The following PCDH11X variants were observed in gnomAD, a reference collection of about 807,000 sequenced individuals.
PCDH11X encodes protocadherin-11 X-linked.
A neutral mutation model predicts 53.3 loss-of-function variants in PCDH11X; 18 were observed. That is an observed-to-expected ratio of 0.34 (90% confidence interval 0.23 to 0.50). PCDH11X has a LOEUF of 0.50. Ranked by LOEUF, PCDH11X falls within the 20% of genes least tolerant of loss-of-function variation. The pLI, the probability that PCDH11X is intolerant of heterozygous loss-of-function variation, is 0.98. For synonymous variants in PCDH11X, 279 were observed against 393.3 expected (o/e 0.71, Z 3.44); for missense variants, 570 against 1,032.4 (o/e 0.55, Z 6.14).
intron 10 of PCDH11X, among the ~76,000 whole-genome samples, chrX:92,535,581 A>T (rs2074643527): frequency 9.0e-6 from 1 of 111,626 alleles, no homozygotes; most frequent in Admixed American, 9.5e-5. Context: ...TACTAGGCTT[A>T]ATACCTGGGT....
chrX:92,505,666 T>C (rs1250833651), intron 10 of PCDH11X, among the ~76,000 whole-genome samples: 1 of 111,565 alleles, frequency 9.0e-6, no homozygotes. Context: ...TGCCTAGGAT[T>C]GCTTTAGTCA....
rs759152465 is a variant in PCDH11X at position 92,282,292 on chromosome X, T to A, written c.3144+19149T>A. Among the ~76,000 whole-genome samples, 13 of 111,873 alleles carry A rather than the reference T, an allele frequency of 1.2e-4. No homozygotes were observed. The South Asian group carries it at 4.8e-3, about 41-fold the overall frequency. ...AAGTTTTATAGTGTTCATCTTAAAA[T>A]TTTTTTCCTAAAAATGGATAAGAAA... On this transcript the variant is annotated intron_variant, in intron 8 of 10. Transcript: ENST00000682573.
intron 6 of PCDH11X, among the ~76,000 whole-genome samples, chrX:92,097,484 C>A (rs2064160343): frequency 9.1e-6 from 1 of 110,081 alleles, no homozygotes; most frequent in Admixed American, 9.8e-5. Flanking sequence ...TACACCATTC[C>A]CCCAACACGA....
intron 6 of PCDH11X, among the ~76,000 whole-genome samples, chrX:92,086,718 C>T (rs2063957675): frequency 4.5e-5 from 5 of 110,297 alleles, no homozygotes; most frequent in Admixed American, 2.9e-4. Context: ...AGACAACGAC[C>T]CAGATGTCTT....
At chrX:92,014,368 T>G (rs1334299766) in intron 6 of PCDH11X, among the ~76,000 whole-genome samples, 1 of 110,557 alleles carries the variant, frequency 9.0e-6, no homozygotes, top group Non-Finnish European at 1.9e-5. Flanking sequence ...TGGCAATCAT[T>G]AAAAAGTCAG....
intron 6 of PCDH11X, among the ~76,000 whole-genome samples, chrX:92,007,246 C>G (rs955982772): frequency 8.9e-6 from 1 of 111,795 alleles, no homozygotes; most frequent in African/African-American, 3.3e-5. Flanking sequence ...GTTTGGTAGT[C>G]AGGGACTAGC....
intron 6 of PCDH11X, among the ~76,000 whole-genome samples, chrX:92,072,853 G>A (rs754456318): frequency 1.8e-5 from 2 of 110,794 alleles, no homozygotes; most frequent in Non-Finnish European, 3.8e-5. Flanking sequence ...GTCGAGCCTA[G>A]CACAGGGAGT....
intron 7 of PCDH11X, among the ~76,000 whole-genome samples, chrX:92,212,295 A>G (rs1416182360): frequency 1.1e-4 from 12 of 111,497 alleles, no homozygotes; most frequent in African/African-American, 3.6e-4. Flanking sequence ...TACAGACGTG[A>G]GTCACAGTGC....
intron 10 of PCDH11X, among the ~76,000 whole-genome samples, chrX:92,520,028 C>T (rs2074340511): frequency 9.4e-6 from 1 of 106,618 alleles, no homozygotes; most frequent in Non-Finnish European, 1.9e-5. Context: ...GATAATTAGA[C>T]ACCACTTGTA....
At chrX:92,446,153 TAAA>T (rs4020634) in intron 9 of PCDH11X, among the ~76,000 whole-genome samples, 2,781 of 92,644 alleles carry the variant, frequency 0.03, 68 homozygotes, top group African/African-American at 0.081. Flanking sequence ...AAAGCAGAAT[TAAA>T]AAAAAAAAAA....
intron 6 of PCDH11X, among the ~76,000 whole-genome samples, chrX:91,886,307 CA>C (rs1940190894): frequency 9.0e-6 from 1 of 111,052 alleles, no homozygotes; most frequent in Admixed American, 9.7e-5. Flanking sequence ...AAAAAGATAG[CA>C]AATCTTAAAA....
intron 6 of PCDH11X, among the ~76,000 whole-genome samples, chrX:91,981,366 T>G (rs1446555806): frequency 5.4e-5 from 6 of 110,233 alleles, no homozygotes. Flanking sequence ...GGCTTGTCCT[T>G]GCCGAAATTG....
chrX:91,886,774 A>G (rs1476574970), intron 6 of PCDH11X, among the ~76,000 whole-genome samples: 1 of 108,957 alleles, frequency 9.2e-6, no homozygotes, highest in Non-Finnish European at 1.9e-5. Flanking sequence ...GATCGAGACC[A>G]TCCTGGCTAA....
intron 5 of PCDH11X, among the ~76,000 whole-genome samples, chrX:91,864,799 G>T (rs1169764916): frequency 2.7e-5 from 3 of 111,307 alleles, no homozygotes; most frequent in Non-Finnish European, 5.6e-5. Context: ...GCCATTAAAA[G>T]ACTCTGACAC....
At chrX:92,422,815 G>A (rs2072003716) in intron 9 of PCDH11X, among the ~76,000 whole-genome samples, 2 of 109,463 alleles carry the variant, frequency 1.8e-5, no homozygotes, top group Admixed American at 9.7e-5. Flanking sequence ...CCACGCCAAC[G>A]TCTATTTTTT....
intron 10 of PCDH11X, among the ~76,000 whole-genome samples, chrX:92,575,946 C>T (rs5984999): frequency 0.025 from 559 of 22,134 alleles, 9 homozygotes; most frequent in Non-Finnish European, 0.034. Context: ...TATATATATA[C>T]ACACACACAC....
intron 1 of PCDH11X, among the ~76,000 whole-genome samples, chrX:91,796,514 TA>T (rs1455830297): frequency 9.0e-6 from 1 of 111,298 alleles, no homozygotes; most frequent in African/African-American, 3.3e-5. Context: ...GACAAATAAG[TA>T]AAGTTGGAAA....
intron 6 of PCDH11X, among the ~76,000 whole-genome samples, chrX:91,946,112 T>C (rs1298840240): frequency 9.1e-6 from 1 of 109,619 alleles, no homozygotes; most frequent in Non-Finnish European, 1.9e-5. Flanking sequence ...TAGGATGTGT[T>C]TGGGGTATTT....
rs768531986 is a variant in PCDH11X at position 92,361,998 on chromosome X, CT to C, written c.3145-25735del. ...ACATTGTAGCATGTGTCAAAAATAC[CT>C]TCCGTTTTAAAGTGTATACCACATT... On this transcript the variant is annotated intron_variant, in intron 8 of 10. Coordinates refer to ENST00000682573, the MANE Select transcript of PCDH11X (RefSeq NM_032968.5). Among the ~76,000 whole-genome samples, 3 of 111,365 alleles carry C rather than the reference CT, an allele frequency of 2.7e-5. No homozygotes were observed. The South Asian group carries it at 1.1e-3, about 41-fold the overall frequency.
Sources: gnomAD v4.1 joint callset for allele counts (sites outside exome capture counted in the v4.1 genomes callset) on GRCh38, gnomAD v4.1.1 for gene constraint, MANE v1.5 for transcripts, NCBI Gene and HGNC (gene_info 2026-07-23, HGNC 2026-07-21) for gene names.